The following TNNI3K variants were observed in gnomAD, a reference collection of about 807,000 sequenced individuals.
TNNI3K encodes the protein TNNI3 interacting kinase.
TNNI3K carries 140 observed loss-of-function variants against 114.5 expected under a neutral mutation model. The ratio of observed to expected loss-of-function variants is 1.22; its 90% CI spans 1.07 to 1.41. The LOEUF (loss-of-function observed/expected upper bound fraction) is 1.41. Among genes scored for constraint, TNNI3K ranks in the 40% most tolerant of loss-of-function variants. The pLI is 0.00. For missense variants in TNNI3K, 1,125 were observed against 1,007.6 expected (o/e 1.12, Z -1.58); for synonymous variants, 347 against 347.5 (o/e 1.00, Z 0.02).
At position 74,492,204 on chromosome 1, in the gene TNNI3K, A is replaced by T; in HGVS notation, c.2289A>T (p.Leu763Phe). The change falls in exon 23 of 25, where the codon TTA becomes TTT. Residue 763 changes from leucine to phenylalanine, a missense_variant. Transcript: ENST00000326637. ...GGPGRSHVAA[L>F]RSRFELEYAL... ...CTGGCCGGAGTCATGTGGCAGCATTAAGAAGTCGTTTCGAATTGGAATATG... is the reference window on the plus strand; with the variant it reads ...CTGGCCGGAGTCATGTGGCAGCATTTAGAAGTCGTTTCGAATTGGAATATG... 1 of 1,612,990 alleles carries T rather than the reference A, an allele frequency of 6.2e-7. No homozygotes were observed. Among genetic ancestry groups the T allele is most frequent in the South Asian group, 1.1e-5 (1 of 90,918 alleles).
chr1:74,330,699 A>G (rs1395077391), intron 5 of TNNI3K, among the ~76,000 whole-genome samples: 1 of 152,170 alleles, frequency 6.6e-6, no homozygotes, highest in Non-Finnish European at 1.5e-5. Context: ...TAAACCTAAA[A>G]TGGATAGAAA....
intron 5 of TNNI3K, among the ~76,000 whole-genome samples, chr1:74,293,388 A>C (rs1657795978): frequency 6.6e-6 from 1 of 151,754 alleles, no homozygotes; most frequent in African/African-American, 2.4e-5. Context: ...ACATCCAAGC[A>C]TATGAATGTA....
chr1:74,490,463 G>A (rs1178670098), intron 22 of TNNI3K, among the ~76,000 whole-genome samples: 2 of 152,128 alleles, frequency 1.3e-5, no homozygotes, highest in Non-Finnish European at 2.9e-5. Flanking sequence ...CAGAAAAAAG[G>A]AATCCACCAT....
rs141062046 is a variant in TNNI3K, at chr1:74,485,106, T to C, written c.2122-4083T>C. Among the ~76,000 whole-genome samples the C allele has an allele frequency of 8.1e-3, 1,226 of 152,276 alleles. 16 individuals are homozygous for C. The highest frequency in any genetic ancestry group is 0.028 in the African/African-American group (1,167 of 41,552). On this transcript the variant is annotated intron_variant, in intron 21 of 24. Transcript: ENST00000326637. ...TAAACCATTGTATCAAAGAACTTTC[T>C]AGCTAGTGATAGACATGTAAATACC... is the stretch of plus-strand genomic sequence containing the variant.
At chr1:74,339,997 C>A (rs952050026) in intron 7 of TNNI3K, among the ~76,000 whole-genome samples, 1 of 152,012 alleles carries the variant, frequency 6.6e-6, no homozygotes, top group Non-Finnish European at 1.5e-5. Context: ...TAGAACATGT[C>A]CAGCCATAGG....
intron 21 of TNNI3K, among the ~76,000 whole-genome samples, chr1:74,484,738 GGTT>G (rs1164009829): frequency 6.6e-6 from 1 of 152,092 alleles, no homozygotes; most frequent in Non-Finnish European, 1.5e-5. Flanking sequence ...CATAGGAGCA[GGTT>G]GTTGTATACC....
Position 74,235,967 on chromosome 1 carries a change from A to T in TNNI3K, c.41-135A>T, listed in dbSNP as rs500203. The T allele has an allele frequency of 0.43, 233,420 of 547,348 alleles. 52,863 individuals carry two copies. Among genetic ancestry groups the T allele is most frequent in the East Asian group, 0.69 (19,661 of 28,308 alleles). The allele number at this position is 547,348 out of a possible 1,614,324, so 33.9% of individuals were successfully genotyped here. On this transcript the variant is annotated intron_variant, in intron 1 of 24. Transcript: ENST00000326637. ...AAATATAAACATCTGCATTTTAAAC[A>T]CACAATCAGTAATTTAAATTAAGTA... is the stretch of plus-strand genomic sequence containing the variant.
intron 17 of TNNI3K, among the ~76,000 whole-genome samples, chr1:74,407,437 G>A (rs1021379834): frequency 2.0e-5 from 3 of 152,072 alleles, no homozygotes; most frequent in East Asian, 3.9e-4. Context: ...AATTAAATTA[G>A]CATTAAATTA....
At chr1:74,313,138 A>T (rs955665136) in intron 5 of TNNI3K, among the ~76,000 whole-genome samples, 3 of 152,146 alleles carry the variant, frequency 2.0e-5, no homozygotes, top group African/African-American at 4.8e-5. Context: ...TTTCCTGGAT[A>T]GCTCCTACAT....
chr1:74,527,988 G>T (rs1646529378), intron 23 of TNNI3K, among the ~76,000 whole-genome samples: 1 of 152,194 alleles, frequency 6.6e-6, no homozygotes, highest in African/African-American at 2.4e-5. Context: ...GGCCAAGGTG[G>T]TAGTGCTTAA....
chr1:74,272,078 T>C (rs1437135859), intron 5 of TNNI3K, among the ~76,000 whole-genome samples: 1 of 151,928 alleles, frequency 6.6e-6, no homozygotes, highest in Non-Finnish European at 1.5e-5. Context: ...GTTAGATAAT[T>C]TATATAAATC....
intron 24 of TNNI3K, among the ~76,000 whole-genome samples, chr1:74,543,188 C>T: frequency 6.7e-6 from 1 of 148,258 alleles, no homozygotes; most frequent in Middle Eastern, 3.2e-3. Context: ...GATTCTCCTG[C>T]CTCAGCCTCC....
intron 5 of TNNI3K, among the ~76,000 whole-genome samples, chr1:74,272,248 T>C (rs955959841): frequency 6.6e-6 from 1 of 151,742 alleles, no homozygotes; most frequent in Non-Finnish European, 1.5e-5. Flanking sequence ...TCAGGCAAAA[T>C]TTTCATTTTA....
intron 24 of TNNI3K, among the ~76,000 whole-genome samples, chr1:74,540,606 T>TA (rs5775242): frequency 0.014 from 2,076 of 147,282 alleles, 50 homozygotes; most frequent in African/African-American, 0.044. Flanking sequence ...ACTCTTTTTT[T>TA]AAAAAAAAAA....
At chr1:74,387,746 C>T (rs551311154) in intron 17 of TNNI3K, among the ~76,000 whole-genome samples, 242 of 152,314 alleles carry the variant, frequency 1.6e-3, no homozygotes, top group African/African-American at 5.7e-3. Context: ...CTTCAAAACA[C>T]TGCAATGATT....
intron 24 of TNNI3K, among the ~76,000 whole-genome samples, chr1:74,542,280 C>T (rs1646736563): frequency 1.3e-5 from 2 of 152,152 alleles, no homozygotes; most frequent in South Asian, 4.1e-4. Flanking sequence ...ACTGGAACAT[C>T]ACAGGCCAGT....
intron 2 of TNNI3K, among the ~76,000 whole-genome samples, chr1:74,239,688 A>G (rs748204033): frequency 6.6e-6 from 1 of 152,148 alleles, no homozygotes; most frequent in Non-Finnish European, 1.5e-5. Flanking sequence ...TTCATTCATT[A>G]TAAGAGATTT....
chr1:74,499,194 A>C (rs1669483379), intron 23 of TNNI3K, among the ~76,000 whole-genome samples: 1 of 152,150 alleles, frequency 6.6e-6, no homozygotes, highest in Non-Finnish European at 1.5e-5. Flanking sequence ...ACCATGTCTG[A>C]TTATTTATTA....
At chr1:74,392,189 G>A (rs966370533) in intron 17 of TNNI3K, among the ~76,000 whole-genome samples, 7 of 152,104 alleles carry the variant, frequency 4.6e-5, no homozygotes, top group African/African-American at 1.4e-4. Flanking sequence ...TAACTGGATT[G>A]TAACTGGAGA....
Sources: allele counts gnomAD v4.1 joint callset (sites outside exome capture counted in the v4.1 genomes callset), GRCh38; gene constraint gnomAD v4.1.1; transcripts MANE v1.5; gene names NCBI Gene and HGNC (gene_info 2026-07-23, HGNC 2026-07-21).